Variants in TSC22D1 observed in about 807,000 individuals in gnomAD.
The protein encoded by TSC22D1 is TSC22 domain family member 1.
TSC22D1 carries 9 observed loss-of-function variants against 74.2 expected under a neutral mutation model. That is an observed-to-expected ratio of 0.12 (90% confidence interval 0.07 to 0.21). TSC22D1 has a LOEUF of 0.21. Ranked by LOEUF, TSC22D1 falls within the 10% of genes least tolerant of loss-of-function variation. TSC22D1 has a pLI of 1.00. For missense variants in TSC22D1, 1,427 were observed against 1,304.7 expected (o/e 1.09, Z -1.44); for synonymous variants, 586 against 492.5 (o/e 1.19, Z -2.51).
chr13:44,455,635 C>CA (rs1876528889), intron 1 of TSC22D1, among the ~76,000 whole-genome samples: 1 of 152,278 alleles, frequency 6.6e-6, no homozygotes, highest in East Asian at 1.9e-4. Context: ...CATCTGTCTA[C>CA]AAAATTTAAG....
intron 1 of TSC22D1, among the ~76,000 whole-genome samples, chr13:44,552,746 T>C (rs1882368318): frequency 6.6e-6 from 1 of 152,140 alleles, no homozygotes; most frequent in Non-Finnish European, 1.5e-5. Flanking sequence ...CCCAGCACTT[T>C]GGGAGGCCGA....
chr13:44,537,702 T>C, intron 1 of TSC22D1: 1 of 984,836 alleles, frequency 1.0e-6, no homozygotes, highest in Non-Finnish European at 1.2e-6. Flanking sequence ...TTCAAAGCTC[T>C]CTGGGGAAAT....
intron 1 of TSC22D1, among the ~76,000 whole-genome samples, chr13:44,545,196 G>A (rs991378862): frequency 8.6e-5 from 13 of 152,008 alleles, no homozygotes; most frequent in Non-Finnish European, 1.8e-4. Flanking sequence ...TCAGCCGGGT[G>A]TGGTGGCACA....
chr13:44,567,513 A>G lies in TSC22D1; in HGVS notation c.2912+5650T>C, dbSNP rs568180552. ...AACACCACATAGAAAGAAAAAAAAA[A>G]CTTTTTAAAAAAGCTAACATTTTAT... On this transcript the variant is annotated intron_variant, in intron 1 of 2. Coordinates refer to ENST00000458659, the MANE Select transcript of TSC22D1 (RefSeq NM_183422.4). Among the ~76,000 whole-genome samples, 3 of 152,108 alleles carry G rather than the reference A, an allele frequency of 2.0e-5. No homozygotes were observed. In the South Asian group the frequency reaches 6.2e-4, roughly 32 times the overall value.
Position 44,575,149 on chromosome 13 carries a change from C to T in TSC22D1, c.926G>A (p.Gly309Asp), listed in dbSNP as rs1186539788. ...TGGIGINSVTGTSTVNNVNIT... is the reference protein window; with the variant it reads ...TGGIGINSVTDTSTVNNVNIT... ...GTTAACATTATTTACTGTACTAGTG[C>T]CAGTAACAGAATTTATACCTATTCC... Residue 309 changes from glycine to aspartate, a missense_variant, in exon 1 of 3, where the codon GGC becomes GAC. Gly to Asp is a moderately conservative substitution (Grantham distance 94). Coordinates refer to ENST00000458659, the MANE Select transcript of TSC22D1 (RefSeq NM_183422.4). The T allele has an allele frequency of 6.2e-7, 1 of 1,614,114 alleles. No homozygotes were observed. Among genetic ancestry groups the T allele is most frequent in the South Asian group, 1.1e-5 (1 of 91,072 alleles).
rs933122484 is a variant in TSC22D1 at position 44,434,426 on chromosome 13, T to C, written c.*200A>G. 7.4e-7 allele frequency: 1 copy of C among 1,357,150 alleles called. No individual in the cohort carries two copies. Among genetic ancestry groups the C allele is most frequent in the Non-Finnish European group, 9.4e-7 (1 of 1,063,156 alleles). The allele number at this position is 1,357,150 out of a possible 1,614,324, so 84.1% of individuals were successfully genotyped here. Reference sequence around the variant, plus strand: ...TGCTAATTCTCGGATTAACCTTTAATTCACCCAACTAAGAAATTTCTCCAA... The same window carrying C: ...TGCTAATTCTCGGATTAACCTTTAACTCACCCAACTAAGAAATTTCTCCAA... On this transcript the variant is annotated 3_prime_UTR_variant, in exon 3 of 3. Coordinates refer to ENST00000458659, the MANE Select transcript of TSC22D1 (RefSeq NM_183422.4).
intron 1 of TSC22D1, among the ~76,000 whole-genome samples, chr13:44,536,281 A>C (rs921421897): frequency 3.3e-5 from 5 of 151,880 alleles, no homozygotes; most frequent in Non-Finnish European, 5.9e-5. Flanking sequence ...ACCCCATCTT[A>C]ATGTTATTTT....
rs961076555 is a variant in TSC22D1, at chr13:44,574,462, C to T, written c.1613G>A (p.Ser538Asn). 6.2e-7 allele frequency: 1 copy of T among 1,613,984 alleles called. No homozygotes were observed. The change falls in exon 1 of 3, where the codon AGT becomes AAT. Residue 538 changes from serine (S) to asparagine (N), a missense_variant. Transcript: ENST00000458659. Reference protein sequence around the residue: ...QSIPAVSIPQSISQSQISQVQ... With the variant: ...QSIPAVSIPQNISQSQISQVQ... ...TTGTGAGATCTGTGACTGAGAAATACTCTGTGGTATACTAACTGCTGGAAT... is the reference window on the plus strand; with the variant it reads ...TTGTGAGATCTGTGACTGAGAAATATTCTGTGGTATACTAACTGCTGGAAT...
At chr13:44,501,423 T>G (rs1363413000) in intron 1 of TSC22D1, among the ~76,000 whole-genome samples, 1 of 152,154 alleles carries the variant, frequency 6.6e-6, no homozygotes, top group Non-Finnish European at 1.5e-5. Flanking sequence ...AACAAATCAC[T>G]GGAATAAGGT....
chr13:44,525,153 G>T (rs1464635498), intron 1 of TSC22D1, among the ~76,000 whole-genome samples: 2 of 152,088 alleles, frequency 1.3e-5, no homozygotes, highest in Admixed American at 1.3e-4. Flanking sequence ...AAAGGTGAAA[G>T]CCCAGGGGCA....
chr13:44,435,446 T>A (rs1240480195), intron 2 of TSC22D1, among the ~76,000 whole-genome samples: 2 of 152,164 alleles, frequency 1.3e-5, no homozygotes, highest in Non-Finnish European at 2.9e-5. Flanking sequence ...CTAGCAACAG[T>A]GGGCAGAGAA....
At chr13:44,535,230 C>G (rs1027867720) in intron 1 of TSC22D1, among the ~76,000 whole-genome samples, 1 of 152,022 alleles carries the variant, frequency 6.6e-6, no homozygotes. Flanking sequence ...TATGCCATAC[C>G]TTACCTCTTC....
intron 1 of TSC22D1, among the ~76,000 whole-genome samples, chr13:44,440,587 C>CAAAAAAA (rs67344848): frequency 8.8e-5 from 6 of 68,264 alleles, no homozygotes; most frequent in African/African-American, 1.2e-4. Context: ...GGCTCTGTCT[C>CAAAAAAA]AAAAAAAAAA....
chr13:44,474,953 C>T (rs939611222), intron 1 of TSC22D1, among the ~76,000 whole-genome samples: 6 of 152,006 alleles, frequency 3.9e-5, no homozygotes, highest in Non-Finnish European at 7.4e-5. Context: ...CTACTCTAGC[C>T]CTAGAAATAT....
chr13:44,509,924 T>A (rs1372717513), intron 1 of TSC22D1, among the ~76,000 whole-genome samples: 1 of 147,104 alleles, frequency 6.8e-6, no homozygotes, highest in Non-Finnish European at 1.5e-5. Flanking sequence ...AAGATATTAT[T>A]TTCACCTGTC....
At chr13:44,468,066 T>C (rs897390467) in intron 1 of TSC22D1, among the ~76,000 whole-genome samples, 6 of 152,090 alleles carry the variant, frequency 3.9e-5, no homozygotes, top group African/African-American at 1.4e-4. Flanking sequence ...ATAATATCTT[T>C]TGCAGCAACT....
chr13:44,435,041 G>A lies in TSC22D1; in HGVS notation c.2965-158C>T, dbSNP rs1874429654. On this transcript the variant is annotated intron_variant, in intron 2 of 2. Coordinates refer to ENST00000458659, the MANE Select transcript of TSC22D1 (RefSeq NM_183422.4). ...CTTGGGGAAATCTGAATACAAACAT[G>A]ACTGTACAATACTTGAGTTTAACGT... 6.0e-6 allele frequency: 4 copies of A among 663,604 alleles called. No individual in the cohort carries two copies. The Admixed American group carries it at 7.8e-5, about 13-fold the overall frequency. 41.1% of individuals were successfully genotyped at this position (663,604 alleles called of 1,614,324 possible).
intron 1 of TSC22D1, among the ~76,000 whole-genome samples, chr13:44,513,789 C>CT (rs761190404): frequency 2.0e-5 from 3 of 152,200 alleles, no homozygotes; most frequent in Non-Finnish European, 4.4e-5. Flanking sequence ...CTTCTAACTT[C>CT]TTTTAACTTT....
chr13:44,575,372 C>A lies in TSC22D1; in HGVS notation c.703G>T (p.Gly235Cys). 1.2e-6 allele frequency: 2 copies of A among 1,613,980 alleles called. No individual in the cohort carries two copies. The highest frequency in any genetic ancestry group is 1.7e-6 in the Non-Finnish European group (2 of 1,179,978). Residue 235 changes from glycine (G) to cysteine (C), a missense_variant, in exon 1 of 3, where the codon GGT (glycine) becomes TGT (cysteine). Transcript: ENST00000458659. ...QIHHGHHLQH[G>C]HHHPSHVAVA... is the part of the protein sequence containing the mutation. Reference sequence around the variant, plus strand: ...GCAACATGAGATGGATGGTGGTGACCATGTTGGAGGTGGTGCCCATGATGA... The same window carrying A: ...GCAACATGAGATGGATGGTGGTGACAATGTTGGAGGTGGTGCCCATGATGA...
Sources: gnomAD v4.1 joint callset for allele counts (sites outside exome capture counted in the v4.1 genomes callset) on GRCh38, gnomAD v4.1.1 for gene constraint, MANE v1.5 for transcripts, NCBI Gene and HGNC (gene_info 2026-07-23, HGNC 2026-07-21) for gene names.